Variants in RBMS1 observed in about 807,000 individuals in gnomAD.
The protein encoded by RBMS1 is RNA binding motif single stranded interacting protein 1.
RBMS1 carries 17 observed loss-of-function variants against 62.3 expected under a neutral mutation model. That is an observed-to-expected ratio of 0.27 (90% CI 0.19 to 0.41). The LOEUF is 0.41. Ranked by LOEUF, RBMS1 falls within the 10% of genes least tolerant of loss-of-function variation. RBMS1 has a pLI of 1.00. For missense variants in RBMS1, 334 were observed against 504.5 expected (o/e 0.66, Z 3.24); for synonymous variants, 172 against 170.0 (o/e 1.01, Z -0.09).
chr2:160,356,074 T>A (rs1692782951), intron 2 of RBMS1, among the ~76,000 whole-genome samples: 1 of 152,122 alleles, frequency 6.6e-6, no homozygotes, highest in Non-Finnish European at 1.5e-5. Flanking sequence ...TTAGGACTTG[T>A]AAGACAGTGA....
At chr2:160,471,716 TAACCTTTC>T (rs1684929854) in intron 1 of RBMS1, among the ~76,000 whole-genome samples, 2 of 76,234 alleles carry the variant, frequency 2.6e-5, no homozygotes, top group Non-Finnish European at 2.7e-5. Context: ...TATATATATA[TAACCTTTC>T]ATACATTCTG....
chr2:160,392,364 CTA>C (rs1694908390), intron 1 of RBMS1, among the ~76,000 whole-genome samples: 1 of 151,816 alleles, frequency 6.6e-6, no homozygotes, highest in African/African-American at 2.4e-5. Flanking sequence ...TATATATTAT[CTA>C]TGGCTGCTTT....
intron 1 of RBMS1, among the ~76,000 whole-genome samples, chr2:160,396,740 T>C (rs1335359010): frequency 6.6e-6 from 1 of 151,990 alleles, no homozygotes; most frequent in African/African-American, 2.4e-5. Flanking sequence ...GATTTTTGTA[T>C]TTTTAGTAGA....
chr2:160,287,575 A>G (rs1420057410), intron 6 of RBMS1, among the ~76,000 whole-genome samples: 1 of 152,208 alleles, frequency 6.6e-6, no homozygotes, highest in Admixed American at 6.5e-5. Context: ...ATTTGTAACA[A>G]TTGGTGAGTA....
chr2:160,413,777 G>A (rs1056991012), intron 1 of RBMS1, among the ~76,000 whole-genome samples: 15 of 152,134 alleles, frequency 9.9e-5, no homozygotes, highest in African/African-American at 3.4e-4. Flanking sequence ...CACTTTCTAA[G>A]CACATTACAC....
intron 2 of RBMS1, among the ~76,000 whole-genome samples, chr2:160,358,724 C>T (rs1692947437): frequency 6.6e-6 from 1 of 151,950 alleles, no homozygotes; most frequent in Admixed American, 6.6e-5. Context: ...TCACTTTAAC[C>T]CAATTTTCAC....
At chr2:160,278,935 T>C (rs1574201271) in intron 10 of RBMS1, 1 of 244,260 alleles carries the variant, frequency 4.1e-6, no homozygotes, top group East Asian at 8.9e-5. Flanking sequence ...TCCTTCCCTT[T>C]CCCTTCACTT....
chr2:160,471,980 CAGTT>C (rs1211840536), intron 1 of RBMS1, among the ~76,000 whole-genome samples: 3 of 151,842 alleles, frequency 2.0e-5, no homozygotes, highest in Admixed American at 6.6e-5. Flanking sequence ...ATCGGGCTGA[CAGTT>C]ATTTATGTTT....
At chr2:160,282,017 G>T in intron 9 of RBMS1, 1 of 329,258 alleles carries the variant, frequency 3.0e-6, no homozygotes, top group Non-Finnish European at 6.0e-6. Flanking sequence ...AGAAATAGAT[G>T]TGAGAGTCAG....
chr2:160,451,630 A>G (rs907267849), intron 1 of RBMS1, among the ~76,000 whole-genome samples: 13 of 151,996 alleles, frequency 8.6e-5, no homozygotes, highest in African/African-American at 2.9e-4. Context: ...TATTTTTTTG[A>G]CAGAGTCTTG....
At chr2:160,347,592 C>T (rs180862448) in intron 2 of RBMS1, among the ~76,000 whole-genome samples, 3 of 152,036 alleles carry the variant, frequency 2.0e-5, no homozygotes, top group Non-Finnish European at 2.9e-5. Context: ...GTTTTCTCAT[C>T]GAAGGTCAAC....
intron 1 of RBMS1, among the ~76,000 whole-genome samples, chr2:160,394,482 G>A (rs941948242): frequency 1.3e-5 from 2 of 152,160 alleles, no homozygotes; most frequent in Admixed American, 1.3e-4. Flanking sequence ...GAATGTGTGA[G>A]TTTTCCAGAT....
chr2:160,327,631 T>C (rs1559387996), intron 2 of RBMS1, among the ~76,000 whole-genome samples: 1 of 152,188 alleles, frequency 6.6e-6, no homozygotes, highest in African/African-American at 2.4e-5. Context: ...ATTTACATTA[T>C]CTTATGACAA....
At chr2:160,274,955 CAA>C (rs1404138837) in intron 13 of RBMS1, among the ~76,000 whole-genome samples, 191 bp from the exon 14 acceptor site, 2 of 152,156 alleles carry the variant, frequency 1.3e-5, no homozygotes, top group African/African-American at 4.8e-5. Flanking sequence ...CCAGGACTTG[CAA>C]AATACTTTCT....
chr2:160,342,569 T>C lies in RBMS1; in HGVS notation c.252-24342A>G, dbSNP rs113356180. Among the ~76,000 whole-genome samples the C allele has an allele frequency of 4.5e-3, 687 of 152,110 alleles. 4 individuals are homozygous for C. Among genetic ancestry groups the C allele is most frequent in the South Asian group, 0.013 (64 of 4,816 alleles). ...ATATATATGTGTGAAAAATGTTAGA[T>C]TGCCATTACCCCATTACCAGTGAAA... On this transcript the variant is annotated intron_variant, in intron 2 of 13. Coordinates refer to ENST00000348849, the MANE Select transcript of RBMS1 (RefSeq NM_016836.4).
At chr2:160,348,327 A>C (rs374329648) in intron 2 of RBMS1, among the ~76,000 whole-genome samples, 5 of 151,892 alleles carry the variant, frequency 3.3e-5, no homozygotes, top group African/African-American at 9.7e-5. Context: ...TAAAAATGAC[A>C]TTTACCCATC....
At chr2:160,464,031 C>T (rs1302038641) in intron 1 of RBMS1, among the ~76,000 whole-genome samples, 1 of 152,100 alleles carries the variant, frequency 6.6e-6, no homozygotes, top group Admixed American at 6.5e-5. Flanking sequence ...AATGCCAAAG[C>T]CTTTTAAAAG....
chr2:160,493,233 G>C (rs1377953020), intron 1 of RBMS1, 56 bp downstream of exon 1: 4 of 1,542,912 alleles, frequency 2.6e-6, no homozygotes, highest in Non-Finnish European at 3.6e-6. Context: ...GCCTGACCCT[G>C]CGCGCGTCCC....
intron 1 of RBMS1, chr2:160,492,928 C>G (rs1309341111): frequency 4.5e-6 from 1 of 221,220 alleles, no homozygotes; most frequent in Non-Finnish European, 8.8e-6. Flanking sequence ...GCCGGGCCAC[C>G]AGCGGATCCA....
Sources: gnomAD v4.1 joint callset for allele counts (sites outside exome capture counted in the v4.1 genomes callset) on GRCh38, gnomAD v4.1.1 for gene constraint, MANE v1.5 for transcripts, NCBI Gene and HGNC (gene_info 2026-07-23, HGNC 2026-07-21) for gene names.